The following ASTN2 variants were observed in gnomAD, a reference collection of about 807,000 sequenced individuals.
ASTN2 encodes the protein astrotactin 2.
ASTN2 carries 54 observed loss-of-function variants against 139.8 expected under a neutral mutation model. The observed-to-expected ratio is 0.39, with a 90% CI of 0.31 to 0.48. The LOEUF (loss-of-function observed/expected upper bound fraction) is 0.48. ASTN2 is among the 20% of genes least tolerant of loss of function. The pLI, the probability that ASTN2 is intolerant of heterozygous loss-of-function variation, is 0.95. For missense variants in ASTN2, 1,565 were observed against 1,725.1 expected (o/e 0.91, Z 1.64); for synonymous variants, 756 against 719.5 (o/e 1.05, Z -0.81).
intron 19 of ASTN2, among the ~76,000 whole-genome samples, chr9:116,575,315 T>C (rs1853682521): frequency 6.6e-6 from 1 of 150,848 alleles, no homozygotes; most frequent in African/African-American, 2.4e-5. Context: ...GAAAGAAAAA[T>C]TCAGAAGGAT....
chr9:116,480,020 A>C (rs953932306), intron 20 of ASTN2, among the ~76,000 whole-genome samples: 17 of 152,172 alleles, frequency 1.1e-4, no homozygotes, highest in African/African-American at 4.1e-4. Flanking sequence ...ACTACCTTAC[A>C]GAGTTGTTGT....
intron 17 of ASTN2, among the ~76,000 whole-genome samples, chr9:116,632,197 A>AGGG (rs1491547327): frequency 8.7e-4 from 25 of 28,688 alleles, no homozygotes; most frequent in Non-Finnish European, 9.5e-4. Flanking sequence ...AGAGAGAGAG[A>AGGG]AAGAAAGAAA....
intron 16 of ASTN2, among the ~76,000 whole-genome samples, chr9:116,670,357 G>A (rs1859120492): frequency 6.6e-6 from 1 of 152,044 alleles, no homozygotes; most frequent in South Asian, 2.1e-4. Context: ...ACAAGGGCAG[G>A]AGGTAGAAGG....
At chr9:116,977,723 T>C (rs1027512941) in intron 7 of ASTN2, among the ~76,000 whole-genome samples, 14 of 148,572 alleles carry the variant, frequency 9.4e-5, no homozygotes, top group Non-Finnish European at 1.8e-4. Context: ...TTCTTTTTTT[T>C]TTTTTTTTTG....
intron 5 of ASTN2, among the ~76,000 whole-genome samples, chr9:117,076,446 A>G (rs900106162): frequency 6.6e-6 from 1 of 152,136 alleles, no homozygotes. Flanking sequence ...CATCTCATTG[A>G]AAGTTTGAGG....
chr9:117,168,947 C>T (rs927469834), intron 3 of ASTN2, among the ~76,000 whole-genome samples: 1 of 152,140 alleles, frequency 6.6e-6, no homozygotes, highest in Admixed American at 6.6e-5. Context: ...TTGCCTCTAT[C>T]TGTTAATTGC....
chr9:117,264,878 T>C (rs151306616), intron 2 of ASTN2, among the ~76,000 whole-genome samples: 1,781 of 152,274 alleles, frequency 0.012, 5 homozygotes, highest in Non-Finnish European at 0.018. Context: ...AGTGGAGGAA[T>C]GAAGATGTTT....
chr9:117,315,109 C>T (rs1238526027), intron 1 of ASTN2, among the ~76,000 whole-genome samples: 1 of 151,736 alleles, frequency 6.6e-6, no homozygotes, highest in Non-Finnish European at 1.5e-5. Flanking sequence ...CTATCAAAAT[C>T]TCCTGAATTT....
At chr9:116,524,216 T>C (rs1233285193) in intron 19 of ASTN2, among the ~76,000 whole-genome samples, 1 of 152,056 alleles carries the variant, frequency 6.6e-6, no homozygotes, top group Non-Finnish European at 1.5e-5. Flanking sequence ...CTTCTGCCTA[T>C]GTCTGCGTCC....
intron 2 of ASTN2, among the ~76,000 whole-genome samples, chr9:117,287,480 A>C (rs1026146170): frequency 2.0e-5 from 3 of 152,256 alleles, no homozygotes. Flanking sequence ...AAACCAGCTT[A>C]TATAGAGTGA....
chr9:117,204,100 TG>T (rs778666393), intron 3 of ASTN2, among the ~76,000 whole-genome samples: 1 of 152,208 alleles, frequency 6.6e-6, no homozygotes, highest in Non-Finnish European at 1.5e-5. Flanking sequence ...TGAGGAAGGA[TG>T]GGTCAGGGTT....
chr9:116,770,229 A>G (rs1438479843), intron 13 of ASTN2, among the ~76,000 whole-genome samples: 1 of 152,106 alleles, frequency 6.6e-6, no homozygotes, highest in East Asian at 1.9e-4. Flanking sequence ...GTTGGTGCCC[A>G]TTTGCACTAG....
At chr9:116,684,351 G>C (rs1490545807) in intron 16 of ASTN2, among the ~76,000 whole-genome samples, 1 of 152,076 alleles carries the variant, frequency 6.6e-6, no homozygotes, top group Non-Finnish European at 1.5e-5. Flanking sequence ...ATAAAAATGG[G>C]GTCTGGAGAG....
At chr9:116,864,893 T>C (rs1367948601) in intron 10 of ASTN2, among the ~76,000 whole-genome samples, 1 of 152,188 alleles carries the variant, frequency 6.6e-6, no homozygotes, top group Non-Finnish European at 1.5e-5. Flanking sequence ...TCATACTGAC[T>C]GTCAGTGAAC....
At chr9:117,137,486 T>A (rs952962720) in intron 4 of ASTN2, among the ~76,000 whole-genome samples, 1 of 152,208 alleles carries the variant, frequency 6.6e-6, no homozygotes, top group South Asian at 2.1e-4. Context: ...TGGAGGCTAA[T>A]GGAGCATTTC....
At chr9:117,222,285 C>T (rs748046779) in intron 2 of ASTN2, among the ~76,000 whole-genome samples, 2 of 152,170 alleles carry the variant, frequency 1.3e-5, no homozygotes, top group Non-Finnish European at 2.9e-5. Flanking sequence ...TTTTGAAATG[C>T]CCTTCTTCAA....
chr9:116,882,931 G>A (rs575573960), intron 10 of ASTN2, among the ~76,000 whole-genome samples: 2 of 152,108 alleles, frequency 1.3e-5, no homozygotes, highest in Admixed American at 6.6e-5. Context: ...TGCTATTTTC[G>A]TATTCCACTG....
At chr9:117,246,092 T>C (rs1355802709) in intron 2 of ASTN2, among the ~76,000 whole-genome samples, 1 of 152,118 alleles carries the variant, frequency 6.6e-6, no homozygotes, top group Non-Finnish European at 1.5e-5. Context: ...TAAAGCCTTG[T>C]TCTCCCCATT....
chr9:117,221,769 G>T (rs528295689), intron 2 of ASTN2, among the ~76,000 whole-genome samples: 21 of 151,762 alleles, frequency 1.4e-4, no homozygotes, highest in Non-Finnish European at 2.8e-4. Flanking sequence ...AGTGATCCGA[G>T]ACGTCTCCTT....
Sources: gnomAD v4.1 joint callset for allele counts (sites outside exome capture counted in the v4.1 genomes callset) on GRCh38, gnomAD v4.1.1 for gene constraint, MANE v1.5 for transcripts, NCBI Gene and HGNC (gene_info 2026-07-23, HGNC 2026-07-21) for gene names.